The following RPTOR variants were observed in gnomAD, a reference collection of about 807,000 sequenced individuals.
RPTOR encodes regulatory associated protein of MTOR complex 1.
RPTOR carries 21 observed loss-of-function variants against 169.9 expected under a neutral mutation model. The observed-to-expected ratio is 0.12, with a 90% confidence interval of 0.09 to 0.18. The LOEUF (loss-of-function observed/expected upper bound fraction) is 0.18, where lower values mean the gene tolerates loss of function less well. Ranked by LOEUF, RPTOR falls within the 10% of genes least tolerant of loss-of-function variation. The pLI, the probability that RPTOR is intolerant of heterozygous loss-of-function variation, is 1.00. For synonymous variants in RPTOR, 732 were observed against 753.2 expected, an observed-to-expected ratio of 0.97 and a Z score of 0.46; for missense variants, 1,133 against 1,855.9, an observed-to-expected ratio of 0.61 and a Z score of 7.16.
chr17:80,617,987 C>CTTTTTTTTTTTTTTTTTTTTT (rs1197342364), intron 1 of RPTOR, among the ~76,000 whole-genome samples: 14 of 146,446 alleles, frequency 9.6e-5, no homozygotes, highest in African/African-American at 3.6e-4. Context: ...ATAGTTACAA[C>CTTTTTTTTTTTTTTTTTTTTT]TTTTTTTTTT....
intron 1 of RPTOR, among the ~76,000 whole-genome samples, chr17:80,552,970 G>T (rs1395064736): frequency 6.6e-6 from 1 of 152,222 alleles, no homozygotes; most frequent in East Asian, 1.9e-4. Flanking sequence ...GTGCACTGGG[G>T]CTTCTCCTAG....
At chr17:80,719,115 C>T (rs187065819) in intron 4 of RPTOR, among the ~76,000 whole-genome samples, 2 of 152,110 alleles carry the variant, frequency 1.3e-5, no homozygotes, top group East Asian at 1.9e-4. Flanking sequence ...AGTATGGGGT[C>T]GTGAGAAGTA....
At chr17:80,568,795 A>G (rs2064872366) in intron 1 of RPTOR, among the ~76,000 whole-genome samples, 2 of 151,996 alleles carry the variant, frequency 1.3e-5, no homozygotes, top group Admixed American at 1.3e-4. Context: ...TTCTGTTGCA[A>G]TGTCTTCGCG....
intron 6 of RPTOR, among the ~76,000 whole-genome samples, chr17:80,776,032 C>T (rs931652523): frequency 9.6e-5 from 5 of 52,146 alleles, no homozygotes; most frequent in East Asian, 8.5e-4. Flanking sequence ...TTCATCTTTG[C>T]GGTACATAGA....
At chr17:80,685,199 G>GCACCT in intron 3 of RPTOR, among the ~76,000 whole-genome samples, 43 of 151,160 alleles carry the variant, frequency 2.8e-4, no homozygotes, top group African/African-American at 4.9e-4. Flanking sequence ...ATTCAGGGTC[G>GCACCT]CTTGTTGCGT....
intron 7 of RPTOR, among the ~76,000 whole-genome samples, chr17:80,818,726 G>C (rs957469598): frequency 6.6e-6 from 1 of 152,170 alleles, no homozygotes; most frequent in African/African-American, 2.4e-5. Flanking sequence ...TTCACGATGA[G>C]CTTAGGGAAG....
chr17:80,620,141 C>T (rs2065344010), intron 1 of RPTOR, among the ~76,000 whole-genome samples: 1 of 152,182 alleles, frequency 6.6e-6, no homozygotes, highest in South Asian at 2.1e-4. Context: ...TTGAAATTTA[C>T]CGTCATGTCC....
intron 5 of RPTOR, among the ~76,000 whole-genome samples, chr17:80,738,090 G>A (rs1252757501): frequency 1.3e-5 from 2 of 152,186 alleles, no homozygotes; most frequent in African/African-American, 4.8e-5. Flanking sequence ...AATAGGTCAC[G>A]GGAGAAATGG....
chr17:80,547,923 G>A (rs2084296628), intron 1 of RPTOR, among the ~76,000 whole-genome samples: 1 of 152,096 alleles, frequency 6.6e-6, no homozygotes. Flanking sequence ...GGGCAACTGG[G>A]CTATGGCCAG....
At chr17:80,621,551 C>T (rs1443420035) in intron 1 of RPTOR, among the ~76,000 whole-genome samples, 2 of 152,196 alleles carry the variant, frequency 1.3e-5, no homozygotes, top group East Asian at 3.9e-4. Context: ...ACCCAGCGAG[C>T]TTGCCCTAGT....
At chr17:80,908,758 A>T in intron 20 of RPTOR, 53 bp from the exon 21 acceptor site, 1 of 1,308,174 alleles carries the variant, frequency 7.6e-7, no homozygotes, top group South Asian at 1.2e-5. Context: ...CCGCCTTAGG[A>T]GCCTCATTGG....
chr17:80,695,797 AG>A lies in RPTOR; in HGVS notation c.349-12042del, dbSNP rs2066031281. 6.6e-6 allele frequency among the ~76,000 whole-genome samples: 1 copy of A among 152,184 alleles called. No individual in the cohort carries two copies. Among genetic ancestry groups the A allele is most frequent in the African/African-American group, 2.4e-5 (1 of 41,450 alleles). Reference sequence around the variant, plus strand: ...AGAGTGACAGGAGCTCAGGATGCAGAGGCACCAAGGCCAGGGAGGAGCGTTG... The same window carrying A: ...AGAGTGACAGGAGCTCAGGATGCAGAGCACCAAGGCCAGGGAGGAGCGTTG... On this transcript the variant is annotated intron_variant, in intron 3 of 33. Transcript: ENST00000306801. The surrounding 1 kb of genome is among the most constrained non-coding windows in gnomAD (Gnocchi z 4.9).
At chr17:80,683,014 C>A (rs1359800476) in intron 3 of RPTOR, among the ~76,000 whole-genome samples, 1 of 152,070 alleles carries the variant, frequency 6.6e-6, no homozygotes, top group Admixed American at 6.5e-5. Flanking sequence ...TTGTCCAGGC[C>A]GGTCTTGAGC....
chr17:80,764,208 C>T (rs1305938026), intron 6 of RPTOR, among the ~76,000 whole-genome samples: 1 of 148,534 alleles, frequency 6.7e-6, no homozygotes, highest in Non-Finnish European at 1.5e-5. Flanking sequence ...GGTACATGTG[C>T]ACAATGTGCA....
chr17:80,880,317 A>G lies in RPTOR; in HGVS notation c.1510-98A>G, dbSNP rs2068172069. 7 of 991,978 alleles carry G rather than the reference A, an allele frequency of 7.1e-6. No individual in the cohort carries two copies. In the East Asian group the frequency reaches 7.3e-5, roughly 10 times the overall value. 61.4% of individuals were successfully genotyped at this position (991,978 alleles called of 1,614,324 possible). A position where few individuals can be genotyped will look rare whatever the true frequency, so the allele number is the denominator to read the frequency against. ...TGAAAGGAGGAAATAATTGAGGTAT[A>G]AGAAGTCCCTGCCCTTATTCGTTCA... On this transcript the variant is annotated intron_variant, in intron 13 of 33. Transcript: ENST00000306801.
intron 1 of RPTOR, among the ~76,000 whole-genome samples, chr17:80,608,831 G>A (rs2065247139): frequency 6.6e-6 from 1 of 152,220 alleles, no homozygotes; most frequent in African/African-American, 2.4e-5. Flanking sequence ...GGCAGATGCG[G>A]GAACAGGTGC....
chr17:80,568,687 C>T (rs971469670), intron 1 of RPTOR, among the ~76,000 whole-genome samples: 9 of 152,128 alleles, frequency 5.9e-5, no homozygotes, highest in African/African-American at 2.2e-4. Context: ...CTCAATCTTC[C>T]AGAGCTCTAT....
rs2065257154 is a variant in RPTOR at position 80,609,774 on chromosome 17, TG to T, written c.163-15916del. ...AAAAAAAAAAGTTTAAGGTGTTGGT[TG>T]TGTGTGTGTGTGTGTGTGTGTGTGT... On this transcript the variant is annotated intron_variant, in intron 1 of 33. Coordinates refer to ENST00000306801, the MANE Select transcript of RPTOR (RefSeq NM_020761.3). This position sits in a 1 kb window ranked among gnomAD's most constrained non-coding sequence, Gnocchi z 4.8. Among the ~76,000 whole-genome samples, 1 of 45,546 alleles carries T rather than the reference TG, an allele frequency of 2.2e-5. No homozygotes were observed. The highest frequency in any genetic ancestry group is 1.1e-4 in the African/African-American group (1 of 8,840). The allele number at this position is 45,546 out of a possible 152,430, so 29.9% of individuals were successfully genotyped here. A position where few individuals can be genotyped will look rare whatever the true frequency, so the allele number is the denominator to read the frequency against.
intron 3 of RPTOR, among the ~76,000 whole-genome samples, chr17:80,676,940 A>G (rs117792906): frequency 2.4e-3 from 371 of 152,262 alleles, no homozygotes; most frequent in South Asian, 0.01. Context: ...GGAGAGCTGT[A>G]TTTTAATAAT....
Sources: gnomAD v4.1 joint callset for allele counts (sites outside exome capture counted in the v4.1 genomes callset) on GRCh38, gnomAD v4.1.1 for gene constraint, Gnocchi (gnomAD v3.1) non-coding constraint, MANE v1.5 for transcripts, NCBI Gene and HGNC (gene_info 2026-07-23, HGNC 2026-07-21) for gene names.